KLHDC1: variants seen among roughly 807,000 people sequenced by gnomAD.
The protein encoded by KLHDC1 is kelch domain-containing protein 1.
KLHDC1 carries 53 observed loss-of-function variants against 68.3 expected under a neutral mutation model. The observed-to-expected ratio is 0.78, with a 90% CI of 0.62 to 0.98. The LOEUF (loss-of-function observed/expected upper bound fraction) is 0.98. Ranked by LOEUF, KLHDC1 falls within the 50% of genes least tolerant of loss-of-function variation. The probability of loss-of-function intolerance (pLI) is 0.00; values close to 1 mark genes in which losing one functional copy is unlikely to be tolerated. For missense variants in KLHDC1, 470 were observed against 492.3 expected (o/e 0.95, Z 0.43); for synonymous variants, 148 against 159.0 (o/e 0.93, Z 0.52).
At position 49,740,174 on chromosome 14, in the gene KLHDC1, T is replaced by C; in HGVS notation, c.973T>C (p.Leu325=). 1 of 1,585,740 alleles carries C rather than the reference T, an allele frequency of 6.3e-7. No individual in the cohort carries two copies. Among genetic ancestry groups the C allele is most frequent in the Non-Finnish European group, 8.6e-7 (1 of 1,156,324 alleles). ...TGGGAGCAAAGATGACTTACTTGCCTTGGATACAGTAAGAAAATCTTATAT... is the reference window on the plus strand; with the variant it reads ...TGGGAGCAAAGATGACTTACTTGCCCTGGATACAGTAAGAAAATCTTATAT... ...FGGSKDDLLA[L]DTGHCNDLLI... Residue 325 remains leucine (L), a synonymous_variant, in exon 11 of 13, where the codon TTG becomes CTG. Transcript: ENST00000359332.
intron 1 of KLHDC1, among the ~76,000 whole-genome samples, chr14:49,693,742 C>CTTTTTTTTTTTT (rs1566589138): frequency 2.0e-4 from 12 of 60,914 alleles, no homozygotes; most frequent in African/African-American, 6.5e-4. Flanking sequence ...ATTTTCTTTT[C>CTTTTTTTTTTTT]TTTTTCTTTT....
chr14:49,740,495 A>C (rs915535223), intron 11 of KLHDC1, among the ~76,000 whole-genome samples: 71 of 152,000 alleles, frequency 4.7e-4, no homozygotes, highest in African/African-American at 1.6e-3. Context: ...CTGCCAACAT[A>C]CCCGGCTAAT....
rs775372186 is a variant in KLHDC1 at position 49,728,952 on chromosome 14, C to G, written c.594C>G (p.Ala198=). 18 of 1,613,578 alleles carry G rather than the reference C, an allele frequency of 1.1e-5. No individual in the cohort carries two copies. The East Asian group carries it at 3.3e-4, about 30-fold the overall frequency. The change falls in exon 7 of 13, where the codon GCC becomes GCG. Residue 198 remains alanine, a synonymous_variant. Transcript: ENST00000359332. ...IKGGVPPQPR[A]AHTCAVLGNK... ...GTGGAGTTCCACCACAGCCACGAGC[C>G]GCGCATACATGTGCAGTTCTTGGAA... is the stretch of plus-strand genomic sequence containing the variant.
chr14:49,713,050 C>T (rs987878316), intron 4 of KLHDC1, among the ~76,000 whole-genome samples: 1 of 148,268 alleles, frequency 6.7e-6, no homozygotes, highest in Non-Finnish European at 1.5e-5. Flanking sequence ...CCCAGGTTCA[C>T]GCCATTCTCC....
At position 49,709,813 on chromosome 14, in the gene KLHDC1, G is replaced by C; in HGVS notation, c.272G>C (p.Gly91Ala). 1 of 1,563,260 alleles carries C rather than the reference G, an allele frequency of 6.4e-7. No individual in the cohort carries two copies. The highest frequency in any genetic ancestry group is 8.7e-7 in the Non-Finnish European group (1 of 1,146,738). ...LYIFGGYDDK[G>A]YSNRLYFVNL... ...ATTTTTGGAGGATATGATGACAAAG[G>C]ATACAGCAATCGAGTAATAATTTCT... The change falls in exon 3 of 13, where the codon GGA (glycine) becomes GCA (alanine). Residue 91 changes from glycine (G) to alanine (A), a missense_variant. Coordinates refer to ENST00000359332, the MANE Select transcript of KLHDC1 (RefSeq NM_172193.3).
chr14:49,751,564 TTC>T lies in KLHDC1; in HGVS notation c.1035-20_1035-19del, dbSNP rs1449735054. The T allele has an allele frequency of 3.1e-6, 4 of 1,281,834 alleles. No homozygotes were observed. The highest frequency in any genetic ancestry group is 2.5e-5 in the Admixed American group (1 of 39,814). The allele number at this position is 1,281,834 out of a possible 1,614,324, so 79.4% of individuals were successfully genotyped here. ...ATAACCTCAGGTTCAAGACTAATAATTCTGTTATGTTTTATTTACAGGTCATG... is the reference window on the plus strand; with the variant it reads ...ATAACCTCAGGTTCAAGACTAATAATTGTTATGTTTTATTTACAGGTCATG... On this transcript the variant is annotated intron_variant, in intron 12 of 12. Transcript: ENST00000359332.
chr14:49,732,952 T>A, intron 9 of KLHDC1, 136 bp downstream of exon 9: 1 of 596,310 alleles, frequency 1.7e-6, no homozygotes, highest in Non-Finnish European at 3.0e-6. Context: ...TTTTCTTGCA[T>A]GAATTATGAT....
At chr14:49,724,040 T>C in intron 5 of KLHDC1, 88 bp downstream of exon 5, 1 of 719,894 alleles carries the variant, frequency 1.4e-6, no homozygotes, top group Non-Finnish European at 2.3e-6. Context: ...TTCTCATTTT[T>C]GGAGCTACCA....
chr14:49,698,615 A>G (rs1887810854), intron 1 of KLHDC1, among the ~76,000 whole-genome samples: 1 of 151,656 alleles, frequency 6.6e-6, no homozygotes, highest in Non-Finnish European at 1.5e-5. Context: ...TCCTGGGTTC[A>G]AGCGATTCTC....
chr14:49,742,295 G>A (rs1889082656), intron 11 of KLHDC1, among the ~76,000 whole-genome samples: 1 of 152,210 alleles, frequency 6.6e-6, no homozygotes, highest in Admixed American at 6.5e-5. Context: ...TACATTTTCT[G>A]TGACTTTTCT....
At chr14:49,722,706 C>T (rs1888559698) in intron 4 of KLHDC1, among the ~76,000 whole-genome samples, 1 of 152,036 alleles carries the variant, frequency 6.6e-6, no homozygotes, top group African/African-American at 2.4e-5. Flanking sequence ...CTGGGGAGGC[C>T]TCACAATTAT....
At chr14:49,743,921 T>C (rs1022648454) in intron 12 of KLHDC1, 116 bp downstream of exon 12, 2 of 612,308 alleles carry the variant, frequency 3.3e-6, no homozygotes, top group African/African-American at 3.8e-5. Flanking sequence ...TTCAAGAATA[T>C]GTTCACATCT....
intron 1 of KLHDC1, among the ~76,000 whole-genome samples, chr14:49,697,434 TA>T (rs1390476461): frequency 6.6e-6 from 1 of 152,144 alleles, no homozygotes. Context: ...CAGATCACCA[TA>T]ACAGATATAA....
chr14:49,717,312 T>TTTTA (rs1258866101), intron 4 of KLHDC1, among the ~76,000 whole-genome samples: 1 of 152,180 alleles, frequency 6.6e-6, no homozygotes, highest in African/African-American at 2.4e-5. Flanking sequence ...GACTATACCA[T>TTTTA]TTTATATTCC....
chr14:49,724,475 A>C (rs903917788), intron 5 of KLHDC1, among the ~76,000 whole-genome samples: 1 of 152,038 alleles, frequency 6.6e-6, no homozygotes, highest in Non-Finnish European at 1.5e-5. Context: ...TGATCCTACC[A>C]CCAAGATGCA....
intron 1 of KLHDC1, among the ~76,000 whole-genome samples, chr14:49,697,381 T>G (rs545662785): frequency 1.3e-5 from 2 of 152,300 alleles, no homozygotes; most frequent in South Asian, 4.1e-4. Flanking sequence ...CAGTTTATGG[T>G]GCCCCAAAAC....
rs577347482 is a variant in KLHDC1, at chr14:49,740,201, T to G, written c.981+19T>G. ...GGATACAGTAAGAAAATCTTATATC[T>G]AAATATTTCCTCTGAGTAGTTGTGT... is the stretch of plus-strand genomic sequence containing the variant. On this transcript the variant is annotated intron_variant, in intron 11 of 12. Coordinates refer to ENST00000359332, the MANE Select transcript of KLHDC1 (RefSeq NM_172193.3). 9.0e-5 allele frequency: 128 copies of G among 1,427,794 alleles called. 1 individual carries two copies. The South Asian group carries it at 1.4e-3, about 16-fold the overall frequency. The allele number at this position is 1,427,794 out of a possible 1,614,324, so 88.4% of individuals were successfully genotyped here.
chr14:49,719,333 A>G (rs1308355705), intron 4 of KLHDC1, among the ~76,000 whole-genome samples: 2 of 151,642 alleles, frequency 1.3e-5, no homozygotes. Flanking sequence ...GGTAATTTCT[A>G]ATTTCCGTTA....
intron 1 of KLHDC1, among the ~76,000 whole-genome samples, chr14:49,696,519 C>A (rs1474822561): frequency 6.6e-6 from 1 of 152,068 alleles, no homozygotes; most frequent in African/African-American, 2.4e-5. Context: ...CAGCTTCCTT[C>A]CTTTAAACTC....
Sources: allele counts gnomAD v4.1 joint callset (sites outside exome capture counted in the v4.1 genomes callset), GRCh38; gene constraint gnomAD v4.1.1; transcripts MANE v1.5; gene names NCBI Gene and HGNC (gene_info 2026-07-23, HGNC 2026-07-21).